CBLN4: variants seen among roughly 807,000 people sequenced by gnomAD.
The protein encoded by CBLN4 is cerebellin-4.
In CBLN4, 7 loss-of-function variants were observed where a neutral mutation model predicts 14.9. The ratio of observed to expected loss-of-function variants is 0.47; its 90% CI spans 0.27 to 0.88. CBLN4 has a LOEUF of 0.88. CBLN4 is among the 40% of genes least tolerant of loss of function. The pLI, the probability that CBLN4 is intolerant of heterozygous loss-of-function variation, is 0.14. For missense variants in CBLN4, 188 were observed against 256.8 expected, an observed-to-expected ratio of 0.73 and a Z score of 1.83; for synonymous variants, 131 against 116.5, an observed-to-expected ratio of 1.12 and a Z score of -0.80.
At position 56,000,758 on chromosome 20, in the gene CBLN4, A is replaced by T; in HGVS notation, c.381T>A (p.Ile127=). ...GGATAGTTTGGCTCTGGTAGACTTT[A>T]ATCACGTGAAAACTGAAACTGTAAA... ...KGIYSFSFHV[I]KVYQSQTIQV... Residue 127 remains isoleucine (I), a synonymous_variant, in exon 2 of 3, where the codon ATT becomes ATA. Transcript: ENST00000064571. 2.5e-6 allele frequency: 4 copies of T among 1,599,470 alleles called. No homozygotes were observed. Among genetic ancestry groups the T allele is most frequent in the Non-Finnish European group, 3.4e-6 (4 of 1,173,148 alleles).
rs201577139 is a variant in CBLN4 at position 55,998,944 on chromosome 20, A to AT, written c.409-191dup. On this transcript the variant is annotated intron_variant, in intron 2 of 2. Transcript: ENST00000064571. Reference sequence around the variant, plus strand: ...CATGTCTGCTGAACTGATTTTTTTAATTTTTTTTTTCTGATTGGAATTTCC... The same window carrying AT: ...CATGTCTGCTGAACTGATTTTTTTAATTTTTTTTTTTCTGATTGGAATTTCC... 1.3e-3 allele frequency among the ~76,000 whole-genome samples: 191 copies of AT among 150,340 alleles called. 4 individuals are homozygous for AT. The East Asian group carries it at 0.032, about 25-fold the overall frequency.
chr20:56,000,997 T>C (rs1055637026), intron 1 of CBLN4, 150 bp from the exon 2 acceptor site: 20 of 440,640 alleles, frequency 4.5e-5, no homozygotes, highest in African/African-American at 3.9e-4. Flanking sequence ...TTCTTTTTTC[T>C]TTTGTTCATT....
chr20:56,000,836 A>G lies in CBLN4; in HGVS notation c.303T>C (p.Asn101=). The change falls in exon 2 of 3, where the codon AAT becomes AAC. Residue 101 remains asparagine (N), a synonymous_variant. Coordinates refer to ENST00000064571, the MANE Select transcript of CBLN4 (RefSeq NM_080617.6). ...ACTCCAATGTGAAAAAATTACCCAC[A>G]TTCACCAGGATCTACAAATAAAAAT... is the stretch of plus-strand genomic sequence containing the variant. The part of the protein sequence containing the change: ...RIIYFDQILV[N]VGNFFTLESV... 6 of 1,528,834 alleles carry G rather than the reference A, an allele frequency of 3.9e-6. No homozygotes were observed. Among genetic ancestry groups the G allele is most frequent in the Non-Finnish European group, 5.3e-6 (6 of 1,126,214 alleles). 94.7% of individuals were successfully genotyped at this position (1,528,834 alleles called of 1,614,324 possible).
intron 1 of CBLN4, among the ~76,000 whole-genome samples, chr20:56,002,051 C>CA (rs1435460377): frequency 1.3e-5 from 2 of 152,190 alleles, no homozygotes; most frequent in African/African-American, 4.8e-5. Flanking sequence ...AACACACTTG[C>CA]AAGCCTCTTG....
chr20:55,998,377 G>A lies in CBLN4; in HGVS notation c.*180C>T. 1 of 648,846 alleles carries A rather than the reference G, an allele frequency of 1.5e-6. No homozygotes were observed. Among genetic ancestry groups the A allele is most frequent in the East Asian group, 2.7e-5 (1 of 36,474 alleles). 40.2% of individuals were successfully genotyped at this position (648,846 alleles called of 1,614,324 possible). On this transcript the variant is annotated 3_prime_UTR_variant, in exon 3 of 3. Transcript: ENST00000064571. ...GTCCCAATCCAAATATACTGAAACA[G>A]ACACACACAAATAATCTGTGAAATT... is the stretch of plus-strand genomic sequence containing the variant.
intron 1 of CBLN4, 85 bp downstream of exon 1, chr20:56,003,796 C>G: frequency 7.1e-7 from 1 of 1,399,448 alleles, no homozygotes. Flanking sequence ...CCCAATCGGA[C>G]CAGCTTAGCC....
Position 56,003,949 on chromosome 20 carries a change from C to G in CBLN4, c.223G>C (p.Ala75Pro). Reference protein sequence around the residue: ...RAANSKVAFSAVRSTNHEPSE... With the variant: ...RAANSKVAFSPVRSTNHEPSE... The stretch of plus-strand genomic sequence containing the variant: ...GGCTCGTGGTTGGTGCTCCGCACCG[C>G]CGAGAAGGCGACCTTGGAGTTGGCC... The change falls in exon 1 of 3, where the codon GCG (alanine) becomes CCG (proline). Residue 75 changes from alanine (A) to proline (P), a missense_variant. By Grantham distance (27) the Ala-to-Pro change is conservative. Coordinates refer to ENST00000064571, the MANE Select transcript of CBLN4 (RefSeq NM_080617.6). The G allele has an allele frequency of 6.2e-7, 1 of 1,613,936 alleles. No individual in the cohort carries two copies. Among genetic ancestry groups the G allele is most frequent in the Non-Finnish European group, 8.5e-7 (1 of 1,179,994 alleles).
chr20:56,004,374 T>C lies in CBLN4; in HGVS notation c.-203A>G, dbSNP rs1600863064. 2 of 517,322 alleles carry C rather than the reference T, an allele frequency of 3.9e-6. No homozygotes were observed. The highest frequency in any genetic ancestry group is 6.9e-5 in the East Asian group (2 of 28,840). 32.0% of individuals were successfully genotyped at this position (517,322 alleles called of 1,614,324 possible). A position where few individuals can be genotyped will look rare whatever the true frequency, so the allele number is the denominator to read the frequency against. On this transcript the variant is annotated 5_prime_UTR_variant, in exon 1 of 3. Transcript: ENST00000064571. This position sits in a 1 kb window ranked among gnomAD's most constrained non-coding sequence, Gnocchi z 6.1. ...CCTCGAGCTCTCTCGCTGGCTCTGT[T>C]ACCTTTGTCCTTTAAGGAGCTCATG... is the stretch of plus-strand genomic sequence containing the variant.
At chr20:56,000,617 G>A (rs1354465382) in intron 2 of CBLN4, 114 bp downstream of exon 2, 10 of 483,080 alleles carry the variant, frequency 2.1e-5, no homozygotes, top group Non-Finnish European at 3.7e-5. Flanking sequence ...TGATAAAGAT[G>A]GCTGCTTATT....
chr20:55,998,273 C>A lies in CBLN4; in HGVS notation c.*284G>T. 5.1e-6 allele frequency: 2 copies of A among 394,194 alleles called. No individual in the cohort carries two copies. The highest frequency in any genetic ancestry group is 4.5e-5 in the South Asian group (1 of 22,468). The allele number at this position is 394,194 out of a possible 1,614,324, so 24.4% of individuals were successfully genotyped here. ...CCACATCTGTAACTAATTCAGTAATCCCAGGAAATGAAATTCAGAATAAGT... is the reference window on the plus strand; with the variant it reads ...CCACATCTGTAACTAATTCAGTAATACCAGGAAATGAAATTCAGAATAAGT... On this transcript the variant is annotated 3_prime_UTR_variant, in exon 3 of 3. Transcript: ENST00000064571.
At chr20:56,000,153 A>G (rs996225642) in intron 2 of CBLN4, among the ~76,000 whole-genome samples, 36 of 152,344 alleles carry the variant, frequency 2.4e-4, no homozygotes, top group Admixed American at 1.8e-3. Context: ...AGCAGAACAC[A>G]AAATATATTA....
Position 56,004,230 on chromosome 20 carries a change from T to A in CBLN4, c.-59A>T. 1.5e-6 allele frequency: 2 copies of A among 1,354,146 alleles called. No homozygotes were observed. Among genetic ancestry groups the A allele is most frequent in the African/African-American group, 3.1e-5 (2 of 64,814 alleles). 83.9% of individuals were successfully genotyped at this position (1,354,146 alleles called of 1,614,324 possible). On this transcript the variant is annotated 5_prime_UTR_variant, in exon 1 of 3. Coordinates refer to ENST00000064571, the MANE Select transcript of CBLN4 (RefSeq NM_080617.6). The surrounding 1 kb of genome is among the most constrained non-coding windows in gnomAD (Gnocchi z 6.1). ...GCTGGTGCTCGCCCGCGTCGCCTCC[T>A]ACCCCGGGATCCCGGTGCTCGGGAA...
intron 1 of CBLN4, among the ~76,000 whole-genome samples, chr20:56,001,642 C>G (rs1006222409): frequency 1.3e-5 from 2 of 152,150 alleles, no homozygotes; most frequent in African/African-American, 2.4e-5. Flanking sequence ...TGTTCCTCCC[C>G]GGGCTGTCCA....
In CBLN4 at chr20:56,005,488, C is replaced by T. The variant is rs1986455126; in HGVS notation, c.-1317G>A. ...AGCCCGCCCCACACAGCCCTGGGGC[C>T]TGGCGAGCTCAGGGAAGCCTTGGGG... On this transcript the variant is annotated 5_prime_UTR_variant, in exon 1 of 3. Coordinates refer to ENST00000064571, the MANE Select transcript of CBLN4 (RefSeq NM_080617.6). The T allele has an allele frequency of 6.6e-6, 1 of 152,386 alleles. No individual in the cohort carries two copies. The highest frequency in any genetic ancestry group is 3.4e-3 in the Middle Eastern group (1 of 296). The allele number at this position is 152,386 out of a possible 1,614,324, so 9.4% of individuals were successfully genotyped here. A position where few individuals can be genotyped will look rare whatever the true frequency, so the allele number is the denominator to read the frequency against.
chr20:56,005,463 A>C lies in CBLN4; in HGVS notation c.-1292T>G, dbSNP rs1986454579. 1 of 152,166 alleles carries C rather than the reference A, an allele frequency of 6.6e-6. No homozygotes were observed. Among genetic ancestry groups the C allele is most frequent in the South Asian group, 2.1e-4 (1 of 4,826 alleles). The allele number at this position is 152,166 out of a possible 1,614,324, so 9.4% of individuals were successfully genotyped here. ...GGCGTCCCGACCGCGCCTGGCCGGGAGCCCGCCCCACACAGCCCTGGGGCC... is the reference window on the plus strand; with the variant it reads ...GGCGTCCCGACCGCGCCTGGCCGGGCGCCCGCCCCACACAGCCCTGGGGCC... On this transcript the variant is annotated 5_prime_UTR_variant, in exon 1 of 3. Coordinates refer to ENST00000064571, the MANE Select transcript of CBLN4 (RefSeq NM_080617.6).
rs979768931 is a variant in CBLN4, at chr20:56,005,120, G to A, written c.-949C>T. The A allele has an allele frequency of 6.6e-6, 1 of 152,464 alleles. No individual in the cohort carries two copies. Among genetic ancestry groups the A allele is most frequent in the Non-Finnish European group, 1.5e-5 (1 of 68,136 alleles). The allele number at this position is 152,464 out of a possible 1,614,324, so 9.4% of individuals were successfully genotyped here. ...GAGCAGCTCTCTCCTGACGTTTAAC[G>A]CACCCCAAAGCAAGCGGGGCGCACA... On this transcript the variant is annotated 5_prime_UTR_variant, in exon 1 of 3. Transcript: ENST00000064571.
In CBLN4 at chr20:55,998,411, G is replaced by C; in HGVS notation, c.*146C>G. 1 of 843,958 alleles carries C rather than the reference G, an allele frequency of 1.2e-6. No homozygotes were observed. The highest frequency in any genetic ancestry group is 1.8e-6 in the Non-Finnish European group (1 of 544,018). The allele number at this position is 843,958 out of a possible 1,614,324, so 52.3% of individuals were successfully genotyped here. A position where few individuals can be genotyped will look rare whatever the true frequency, so the allele number is the denominator to read the frequency against. ...AAATAATCTGTGAAATTTTGTATTG[G>C]TTCAGACAGGCTAGAATCCTTAGAA... On this transcript the variant is annotated 3_prime_UTR_variant, in exon 3 of 3. Transcript: ENST00000064571.
chr20:56,004,184 G>T lies in CBLN4; in HGVS notation c.-13C>A. On this transcript the variant is annotated 5_prime_UTR_variant, in exon 1 of 3. Transcript: ENST00000064571. This position sits in a 1 kb window ranked among gnomAD's most constrained non-coding sequence, Gnocchi z 6.1. ...GCCCGGAGCCCATGGTGAGCCGTGT[G>T]GGCAGCCGCAGCCGGCTGGCGCTGG... 3 of 1,428,640 alleles carry T rather than the reference G, an allele frequency of 2.1e-6. No individual in the cohort carries two copies. The highest frequency in any genetic ancestry group is 2.7e-6 in the Non-Finnish European group (3 of 1,098,160). 88.5% of individuals were successfully genotyped at this position (1,428,640 alleles called of 1,614,324 possible).
Position 55,998,423 on chromosome 20 carries a change from T to G in CBLN4, c.*134A>C. On this transcript the variant is annotated 3_prime_UTR_variant, in exon 3 of 3. Coordinates refer to ENST00000064571, the MANE Select transcript of CBLN4 (RefSeq NM_080617.6). ...AAATTTTGTATTGGTTCAGACAGGCTAGAATCCTTAGAATCCATATCCACC... is the reference window on the plus strand; with the variant it reads ...AAATTTTGTATTGGTTCAGACAGGCGAGAATCCTTAGAATCCATATCCACC... 1.1e-6 allele frequency: 1 copy of G among 942,168 alleles called. No individual in the cohort carries two copies. Among genetic ancestry groups the G allele is most frequent in the Non-Finnish European group, 1.6e-6 (1 of 624,316 alleles). The allele number at this position is 942,168 out of a possible 1,614,324, so 58.4% of individuals were successfully genotyped here.
Sources: gnomAD v4.1 joint callset for allele counts (sites outside exome capture counted in the v4.1 genomes callset) on GRCh38, gnomAD v4.1.1 for gene constraint, Gnocchi (gnomAD v3.1) non-coding constraint, MANE v1.5 for transcripts, NCBI Gene and HGNC (gene_info 2026-07-23, HGNC 2026-07-21) for gene names.